The following PRDX1 variants were observed in gnomAD, a reference collection of about 807,000 sequenced individuals.
PRDX1 encodes peroxiredoxin-1.
Under a neutral mutation model 20.7 loss-of-function variants are expected in PRDX1, and 19 were observed. The ratio of observed to expected loss-of-function variants is 0.92; its 90% CI spans 0.64 to 1.35. PRDX1 has a LOEUF of 1.35. Among genes scored for constraint, PRDX1 ranks in the 40% most tolerant of loss-of-function variants. The probability of loss-of-function intolerance (pLI) is 0.00; values close to 1 mark genes in which losing one functional copy is unlikely to be tolerated. For missense variants in PRDX1, 226 were observed against 240.0 expected, an observed-to-expected ratio of 0.94 and a Z score of 0.38; for synonymous variants, 89 against 83.9, an observed-to-expected ratio of 1.06 and a Z score of -0.33.
At position 45,514,890 on chromosome 1, in the gene PRDX1, A is replaced by G. The variant is rs750380367; in HGVS notation, c.366T>C (p.Asp122=). 3.7e-6 allele frequency: 6 copies of G among 1,614,172 alleles called. No homozygotes were observed. The highest frequency in any genetic ancestry group is 4.2e-6 in the Non-Finnish European group (5 of 1,180,004). Reference sequence around the variant, plus strand: ...TGACATACCTGAACGAGATGCCTTCATCAGCCTTTAAGACCCCATAATCCT... The same window carrying G: ...TGACATACCTGAACGAGATGCCTTCGTCAGCCTTTAAGACCCCATAATCCT... ...IAQDYGVLKA[D]EGISFRGLFI... Residue 122 remains aspartate (D), a synonymous_variant, in exon 4 of 6, where the codon GAT becomes GAC. Coordinates refer to ENST00000319248, the MANE Select transcript of PRDX1 (RefSeq NM_181697.3).
At chr1:45,516,162 C>T (rs6699702) in intron 2 of PRDX1, among the ~76,000 whole-genome samples, 9,823 of 152,222 alleles carry the variant, frequency 0.065, 1,027 homozygotes, top group African/African-American at 0.22. Context: ...GGCCTAATGC[C>T]AATGCTTAAC....
At chr1:45,522,311 C>A (rs1643922152), upstream of PRDX1, among the ~76,000 whole-genome samples, 1 of 152,188 alleles carries the variant, frequency 6.6e-6, no homozygotes, top group African/African-American at 2.4e-5. Flanking sequence ...AAGTTCGCAG[C>A]CTTAACCCCA....
chr1:45,522,742 C>T (rs1317417999), upstream of PRDX1: 1 of 152,138 alleles, frequency 6.6e-6, no homozygotes, highest in East Asian at 1.9e-4. Flanking sequence ...AAAGTTTGTT[C>T]TATTCCACAT....
At chr1:45,521,187 G>A (rs1319738837) in intron 1 of PRDX1, among the ~76,000 whole-genome samples, 1 of 152,138 alleles carries the variant, frequency 6.6e-6, no homozygotes, top group Non-Finnish European at 1.5e-5. Context: ...AAAGGCTGCT[G>A]GGATTCAGGC....
chr1:45,515,958 G>T, intron 2 of PRDX1, 151 bp from the exon 3 acceptor site: 1 of 704,894 alleles, frequency 1.4e-6, no homozygotes, highest in Non-Finnish European at 2.1e-6. Flanking sequence ...GCTACTTTTA[G>T]AACCTGGTGC....
chr1:45,515,796 C>G lies in PRDX1; in HGVS notation c.118G>C (p.Val40Leu). ...AAGTCAAGAGGGTAAAAGAAGAACA[C>G]AACATATTTTCCTGGGGGGAAAATC... The part of the protein sequence containing the change: ...SLSDYKGKYV[V>L]FFFYPLDFTF... Residue 40 changes from valine to leucine, a missense_variant, in exon 3 of 6, where the codon GTG becomes CTG. Coordinates refer to ENST00000319248, the MANE Select transcript of PRDX1 (RefSeq NM_181697.3). 1 of 1,561,698 alleles carries G rather than the reference C, an allele frequency of 6.4e-7. No individual in the cohort carries two copies. Among genetic ancestry groups the G allele is most frequent in the Non-Finnish European group, 8.6e-7 (1 of 1,159,430 alleles).
intron 3 of PRDX1, among the ~76,000 whole-genome samples, chr1:45,515,307 G>A (rs1643837816): frequency 6.6e-6 from 1 of 152,092 alleles, no homozygotes; most frequent in Non-Finnish European, 1.5e-5. Context: ...TGTTTTAAAA[G>A]TTCACATGCC....
chr1:45,518,101 C>T (rs576533633), intron 2 of PRDX1, among the ~76,000 whole-genome samples: 2 of 152,218 alleles, frequency 1.3e-5, no homozygotes, highest in East Asian at 3.9e-4. Context: ...AAGGCTAGGG[C>T]AGGCAGAGGG....
At chr1:45,520,224 A>AAAAAAAAG (rs1168738391) in intron 1 of PRDX1, among the ~76,000 whole-genome samples, 1 of 147,800 alleles carries the variant, frequency 6.8e-6, no homozygotes, top group Non-Finnish European at 1.5e-5. Context: ...AAAAAAAAAA[A>AAAAAAAAG]AGAGGCAAGA....
At chr1:45,519,740 C>T (rs550405844) in intron 1 of PRDX1, among the ~76,000 whole-genome samples, 1 of 152,260 alleles carries the variant, frequency 6.6e-6, no homozygotes, top group East Asian at 1.9e-4. Flanking sequence ...GGATTACAGG[C>T]GCAGGCCACC....
At chr1:45,515,577 C>T (rs1347334108) in intron 3 of PRDX1, 77 bp downstream of exon 3, 48 of 1,347,694 alleles carry the variant, frequency 3.6e-5, no homozygotes, top group Admixed American at 3.1e-5. Context: ...CCAGCCTGGG[C>T]GACAAAGCAA....
At chr1:45,513,673 C>CA (rs1337654493) in intron 5 of PRDX1, among the ~76,000 whole-genome samples, 2 of 152,304 alleles carry the variant, frequency 1.3e-5, no homozygotes, top group East Asian at 3.9e-4. Flanking sequence ...TGTGCTGTGT[C>CA]AACTCAGGGT....
chr1:45,515,135 C>A, intron 3 of PRDX1, 140 bp from the exon 4 acceptor site: 1 of 1,244,068 alleles, frequency 8.0e-7, no homozygotes. Flanking sequence ...AAAGTGAATG[C>A]TGAGAACAGT....
intron 2 of PRDX1, among the ~76,000 whole-genome samples, chr1:45,517,781 CAAAAAAA>C (rs59782906): frequency 1.2e-5 from 1 of 84,356 alleles, no homozygotes. Context: ...GACTCCGTCT[CAAAAAAA>C]AAAAAAAAAA....
intron 3 of PRDX1, among the ~76,000 whole-genome samples, chr1:45,515,250 A>G (rs1557613599): frequency 6.6e-6 from 1 of 152,098 alleles, no homozygotes; most frequent in African/African-American, 2.4e-5. Context: ...ACTCCCTTCA[A>G]TGAGAAGGCA....
chr1:45,511,155 A>AC lies in PRDX1; in HGVS notation c.*173dup, dbSNP rs1643735357. 1 of 582,750 alleles carries AC rather than the reference A, an allele frequency of 1.7e-6. No individual in the cohort carries two copies. 36.1% of individuals were successfully genotyped at this position (582,750 alleles called of 1,614,324 possible). A position where few individuals can be genotyped will look rare whatever the true frequency, so the allele number is the denominator to read the frequency against. On this transcript the variant is annotated 3_prime_UTR_variant, in exon 6 of 6. Transcript: ENST00000319248. ...CACAACGCCAACTCAGGCCATTCCT[A>AC]CCAAAGGAAGAAAGGCTGGTCTCTC...
At chr1:45,514,756 A>G (rs1643826565) in intron 4 of PRDX1, 117 bp downstream of exon 4, 5 of 1,564,802 alleles carry the variant, frequency 3.2e-6, no homozygotes, top group Admixed American at 1.8e-5. Flanking sequence ...GCCTGGCCTT[A>G]GTGAGGAGGC....
chr1:45,522,335 G>A (rs903981912), upstream of PRDX1, among the ~76,000 whole-genome samples: 2 of 152,168 alleles, frequency 1.3e-5, no homozygotes, highest in African/African-American at 4.8e-5. Context: ...CAGATCCTCA[G>A]TAACCCTCAT....
chr1:45,517,413 G>A (rs1314552294), intron 2 of PRDX1, among the ~76,000 whole-genome samples: 1 of 152,142 alleles, frequency 6.6e-6, no homozygotes, highest in Admixed American at 6.5e-5. Flanking sequence ...TGTCCCAGGA[G>A]ATCGAGCTGC....
Sources: gnomAD v4.1 joint callset for allele counts (sites outside exome capture counted in the v4.1 genomes callset) on GRCh38, gnomAD v4.1.1 for gene constraint, MANE v1.5 for transcripts, NCBI Gene and HGNC (gene_info 2026-07-23, HGNC 2026-07-21) for gene names.